PODN: variants seen among roughly 807,000 people sequenced by gnomAD.
The protein encoded by PODN is podocan, also known as podocan proteoglycan.
PODN carries 40 observed loss-of-function variants against 52.7 expected under a neutral mutation model. The observed-to-expected ratio is 0.76, with a 90% confidence interval of 0.59 to 0.99. PODN has a LOEUF of 0.99. Ranked by LOEUF, PODN falls within the 50% of genes least tolerant of loss-of-function variation. The pLI is 0.00. For synonymous variants in PODN, 396 were observed against 377.9 expected (o/e 1.05, Z -0.56); for missense variants, 720 against 815.1 (o/e 0.88, Z 1.42).
rs1572261711 is a variant in PODN, at chr1:53,070,133, A to G, written c.278A>G (p.Asp93Gly). 6.2e-7 allele frequency: 1 copy of G among 1,610,230 alleles called. No homozygotes were observed. Among genetic ancestry groups the G allele is most frequent in the South Asian group, 1.1e-5 (1 of 91,046 alleles). The change falls in exon 2 of 11, where the codon GAC (aspartate) becomes GGC (glycine). Residue 93 changes from aspartate to glycine, a missense_variant. By Grantham distance (94) the Asp-to-Gly change is moderately conservative (BLOSUM62 -1). Transcript: ENST00000312553. The stretch of plus-strand genomic sequence containing the variant: ...ATTGACCTGCGTGAGTTCCCGGGGG[A>G]CCTGCCTGAGCACACCAACCACCTA... ...GGIDLREFPG[D>G]LPEHTNHLSL...
Position 53,070,177 on chromosome 1 carries a change from GC to G in PODN, c.312+11del, listed in dbSNP as rs775589851. The G allele has an allele frequency of 6.2e-7, 1 of 1,603,500 alleles. No individual in the cohort carries two copies. Among genetic ancestry groups the G allele is most frequent in the South Asian group, 1.1e-5 (1 of 91,022 alleles). ...CCACCTATCTCTGCAGGTGAGGTCG[GC>G]GTTGCACCTGTGGTCACGGGGGCTG... On this transcript the variant is annotated intron_variant, in intron 2 of 10. Transcript: ENST00000312553.
At position 53,077,815 on chromosome 1, in the gene PODN, C is replaced by T. The variant is rs749671518; in HGVS notation, c.854+15C>T. ...GAGACCTTCTGGTGAGTCCTTGTCTCACCAGGTCCTTGGCGTGACCACGGG... is the reference window on the plus strand; with the variant it reads ...GAGACCTTCTGGTGAGTCCTTGTCTTACCAGGTCCTTGGCGTGACCACGGG... On this transcript the variant is annotated intron_variant, in intron 7 of 10. Transcript: ENST00000312553. 1.9e-5 allele frequency: 30 copies of T among 1,608,868 alleles called. No homozygotes were observed. The highest frequency in any genetic ancestry group is 2.5e-5 in the Non-Finnish European group (30 of 1,177,004).
At position 53,082,074 on chromosome 1, in the gene PODN, T is replaced by G. The variant is rs898973388; in HGVS notation, c.1755T>G (p.Phe585Leu). ...TGGACATTGAAGGCAACTTAGAGTT[T>G]GGTGACATTTCCAAGGACCGTGGCC... Reference protein sequence around the residue: ...QVLDIEGNLEFGDISKDRGRL... With the variant: ...QVLDIEGNLELGDISKDRGRL... The change falls in exon 10 of 11, where the codon TTT becomes TTG. Residue 585 changes from phenylalanine to leucine, a missense_variant. By Grantham distance (22) the Phe-to-Leu change is conservative. Transcript: ENST00000312553. 1.2e-6 allele frequency: 2 copies of G among 1,613,806 alleles called. No homozygotes were observed. Among genetic ancestry groups the G allele is most frequent in the Non-Finnish European group, 1.7e-6 (2 of 1,179,940 alleles).
At chr1:53,083,482 G>A (rs187923138) in intron 10 of PODN, among the ~76,000 whole-genome samples, 2 of 152,338 alleles carry the variant, frequency 1.3e-5, no homozygotes, top group Admixed American at 6.5e-5. Flanking sequence ...GCTTTAGCAG[G>A]AGGAACAAAG....
chr1:53,073,330 G>A (rs1644147054), intron 3 of PODN: 1 of 157,504 alleles, frequency 6.3e-6, no homozygotes, highest in African/African-American at 2.4e-5. Context: ...GCTTTCTGAA[G>A]AAGTTTGGAT....
rs1644235834 is a variant in PODN at position 53,078,656 on chromosome 1, G to A, written c.1146G>A (p.Val382=). ...ERVPSGLPRR[V]RTLMILHNQI... is the part of the protein sequence containing the mutation. ...TGCCCAGTGGCCTGCCTCGCCGCGT[G>A]CGCACCCTCATGATCCTGCACAACC... The change falls in exon 8 of 11, where the codon GTG becomes GTA. Residue 382 remains valine, a synonymous_variant. Coordinates refer to ENST00000312553, the MANE Select transcript of PODN (RefSeq NM_153703.5). 1 of 1,612,980 alleles carries A rather than the reference G, an allele frequency of 6.2e-7. No individual in the cohort carries two copies. Among genetic ancestry groups the A allele is most frequent in the Admixed American group, 1.7e-5 (1 of 60,010 alleles).
intron 1 of PODN, among the ~76,000 whole-genome samples, chr1:53,066,105 C>T (rs1206955854): frequency 6.7e-6 from 1 of 149,014 alleles, no homozygotes; most frequent in Non-Finnish European, 1.5e-5. Context: ...AGGTGATCCT[C>T]CCACTTCAGC....
At chr1:53,065,573 G>C (rs1644019848) in intron 1 of PODN, among the ~76,000 whole-genome samples, 1 of 152,180 alleles carries the variant, frequency 6.6e-6, no homozygotes, top group Non-Finnish European at 1.5e-5. Flanking sequence ...GCCAGGGGCA[G>C]GCCCCTTAGC....
rs559545259 is a variant in PODN, at chr1:53,064,212, A to C, written c.-56+1904A>C. ...TCGTTCATTCAGCAAACATTTCCCC[A>C]GCACCCCCACTCCATGCTTGGGGAG... is the stretch of plus-strand genomic sequence containing the variant. On this transcript the variant is annotated intron_variant, in intron 1 of 10. Transcript: ENST00000312553. Among the ~76,000 whole-genome samples the C allele has an allele frequency of 7.9e-5, 12 of 152,308 alleles. No individual in the cohort carries two copies. The South Asian group carries it at 1.9e-3, about 24-fold the overall frequency.
Position 53,070,175 on chromosome 1 carries a change from C to T in PODN, c.312+8C>T, listed in dbSNP as rs369787356. 2.1e-5 allele frequency: 33 copies of T among 1,603,676 alleles called. No homozygotes were observed. Among genetic ancestry groups the T allele is most frequent in the African/African-American group, 1.3e-4 (10 of 74,866 alleles). Reference sequence around the variant, plus strand: ...AACCACCTATCTCTGCAGGTGAGGTCGGCGTTGCACCTGTGGTCACGGGGG... The same window carrying T: ...AACCACCTATCTCTGCAGGTGAGGTTGGCGTTGCACCTGTGGTCACGGGGG... On this transcript the variant is annotated splice_region_variant and intron_variant, in intron 2 of 10. Transcript: ENST00000312553.
At chr1:53,072,650 T>A (rs1032406644) in intron 3 of PODN, among the ~76,000 whole-genome samples, 7 of 152,262 alleles carry the variant, frequency 4.6e-5, no homozygotes, top group Non-Finnish European at 1.0e-4. Flanking sequence ...AAGGTCTGCC[T>A]GCCTCCTTGA....
Position 53,078,453 on chromosome 1 carries a change from C to T in PODN, c.943C>T (p.His315Tyr). ...AGLPRSLVLL[H>Y]LEKNAIRSVD... ...GCTGCCGCGCAGCCTGGTGCTGCTG[C>T]ACTTGGAGAAGAACGCCATCCGGAG... Residue 315 changes from histidine (H) to tyrosine (Y), a missense_variant, in exon 8 of 11, where the codon CAC becomes TAC. Physicochemically the swap from His to Tyr is moderately conservative, Grantham distance 83 (BLOSUM62 2). Coordinates refer to ENST00000312553, the MANE Select transcript of PODN (RefSeq NM_153703.5). The T allele has an allele frequency of 1.9e-6, 3 of 1,613,458 alleles. No individual in the cohort carries two copies. The highest frequency in any genetic ancestry group is 2.5e-6 in the Non-Finnish European group (3 of 1,180,028).
chr1:53,079,798 T>C (rs1288390), intron 8 of PODN, among the ~76,000 whole-genome samples: 127,710 of 151,598 alleles, frequency 0.84, 54,372 homozygotes, highest in Middle Eastern at 0.91. Flanking sequence ...AGTTTGAGGC[T>C]TGCCCGGGCA....
At chr1:53,067,823 G>A (rs1458454356) in intron 1 of PODN, among the ~76,000 whole-genome samples, 1 of 151,726 alleles carries the variant, frequency 6.6e-6, no homozygotes, top group Non-Finnish European at 1.5e-5. Context: ...GGCTGAGGCT[G>A]GAGGATCACT....
rs200704602 is a variant in PODN at position 53,078,378 on chromosome 1, C to T, written c.868C>T (p.Leu290=). Residue 290 remains leucine, a synonymous_variant, in exon 8 of 11, where the codon CTG becomes TTG. Coordinates refer to ENST00000312553, the MANE Select transcript of PODN (RefSeq NM_153703.5). ...DNETFWKLSS[L]EYLDLSSNNL... Reference sequence around the variant, plus strand: ...TCCCTGCCCCAGGAAGCTCTCCAGCCTGGAGTACCTGGATCTGTCCAGCAA... The same window carrying T: ...TCCCTGCCCCAGGAAGCTCTCCAGCTTGGAGTACCTGGATCTGTCCAGCAA... 1 of 1,610,476 alleles carries T rather than the reference C, an allele frequency of 6.2e-7. No homozygotes were observed. The highest frequency in any genetic ancestry group is 2.2e-5 in the East Asian group (1 of 44,778).
chr1:53,069,663 G>A (rs1297047058), intron 1 of PODN, 138 bp from the exon 2 acceptor site: 4 of 1,275,506 alleles, frequency 3.1e-6, no homozygotes, highest in Non-Finnish European at 4.2e-6. Context: ...CAGCCTGGTG[G>A]GGGTTGGGCA....
In PODN at chr1:53,071,526, C is replaced by A. The variant is rs768080082; in HGVS notation, c.313-9C>A. On this transcript the variant is annotated splice_polypyrimidine_tract_variant and intron_variant, in intron 2 of 10. Transcript: ENST00000312553. ...GATGCTGCTTCCTTGCGGCCCCCTA[C>A]CCCCCTAGAACAACCAGCTGGAAAA... 10 of 1,610,452 alleles carry A rather than the reference C, an allele frequency of 6.2e-6. No individual in the cohort carries two copies. The Admixed American group carries it at 8.4e-5, about 13-fold the overall frequency.
chr1:53,075,801 G>T, intron 4 of PODN, 61 bp from the exon 5 acceptor site: 1 of 1,415,058 alleles, frequency 7.1e-7, no homozygotes. Flanking sequence ...GCAGGCAGTG[G>T]GACCCACAGC....
Position 53,062,300 on chromosome 1 carries a change from G to A in PODN, c.-64G>A. On this transcript the variant is annotated 5_prime_UTR_variant, in exon 1 of 11. Transcript: ENST00000312553. ...CTGTGGGGCGCCGCTCGGCGCCGGGGCGCAGCAGGTACAGGGCGCTGGCAG... is the reference window on the plus strand; with the variant it reads ...CTGTGGGGCGCCGCTCGGCGCCGGGACGCAGCAGGTACAGGGCGCTGGCAG... The A allele has an allele frequency of 8.0e-7, 1 of 1,255,848 alleles. No homozygotes were observed. The highest frequency in any genetic ancestry group is 3.0e-5 in the East Asian group (1 of 32,982). 77.8% of individuals were successfully genotyped at this position (1,255,848 alleles called of 1,614,324 possible). A position where few individuals can be genotyped will look rare whatever the true frequency, so the allele number is the denominator to read the frequency against.
Sources: allele counts gnomAD v4.1 joint callset (sites outside exome capture counted in the v4.1 genomes callset), GRCh38; gene constraint gnomAD v4.1.1; transcripts MANE v1.5; gene names NCBI Gene and HGNC (gene_info 2026-07-23, HGNC 2026-07-21).